Variants in FA2H observed in about 807,000 individuals in gnomAD.
The protein encoded by FA2H is fatty acid 2-hydroxylase.
In FA2H, 22 loss-of-function variants were observed where a neutral mutation model predicts 44.9. The ratio of observed to expected loss-of-function variants is 0.49; its 90% CI spans 0.35 to 0.70. The LOEUF (loss-of-function observed/expected upper bound fraction) is 0.70, where lower values mean the gene tolerates loss of function less well. Ranked by LOEUF, FA2H falls within the 30% of genes least tolerant of loss-of-function variation. The pLI is 0.01. For missense variants in FA2H, 501 were observed against 504.9 expected (o/e 0.99, Z 0.07); for synonymous variants, 243 against 213.2 (o/e 1.14, Z -1.22).
chr16:74,734,230 GC>G (rs1480256789), intron 2 of FA2H, among the ~76,000 whole-genome samples: 1 of 152,228 alleles, frequency 6.6e-6, no homozygotes. Flanking sequence ...GCATCTGGGG[GC>G]TCCCACGGCT....
chr16:74,737,429 G>C (rs1962203695), intron 2 of FA2H, among the ~76,000 whole-genome samples: 1 of 152,142 alleles, frequency 6.6e-6, no homozygotes, highest in Non-Finnish European at 1.5e-5. Context: ...ATTCCACACA[G>C]AGCCCAAAAG....
At chr16:74,766,837 G>A (rs1332746659) in intron 1 of FA2H, among the ~76,000 whole-genome samples, 2 of 152,190 alleles carry the variant, frequency 1.3e-5, no homozygotes, top group African/African-American at 2.4e-5. Context: ...TCAACAGAGT[G>A]CATGATGCCC....
chr16:74,735,598 T>C lies in FA2H; in HGVS notation c.363+4425A>G, dbSNP rs542778473. 7.9e-5 allele frequency among the ~76,000 whole-genome samples: 12 copies of C among 152,350 alleles called. No individual in the cohort carries two copies. In the South Asian group the frequency reaches 1.0e-3, roughly 13 times the overall value. Reference sequence around the variant, plus strand: ...GGGCTGAAGACGAGCGAAGGGAGCCTGCCCAGGGGCCCCACCCCAAAACCA... The same window carrying C: ...GGGCTGAAGACGAGCGAAGGGAGCCCGCCCAGGGGCCCCACCCCAAAACCA... On this transcript the variant is annotated intron_variant, in intron 2 of 6. Coordinates refer to ENST00000219368, the MANE Select transcript of FA2H (RefSeq NM_024306.5).
rs553086090 is a variant in FA2H at position 74,724,520 on chromosome 16, C to G, written c.613+1705G>C. 5.3e-5 allele frequency among the ~76,000 whole-genome samples: 8 copies of G among 152,314 alleles called. No homozygotes were observed. In the South Asian group the frequency reaches 1.7e-3, roughly 32 times the overall value. On this transcript the variant is annotated intron_variant, in intron 4 of 6. Transcript: ENST00000219368. ...GCACCCTGACTCTTCTGTATTGATTCCAGTGCGTCCTTTGTCCAGCAGCTG... is the reference window on the plus strand; with the variant it reads ...GCACCCTGACTCTTCTGTATTGATTGCAGTGCGTCCTTTGTCCAGCAGCTG...
At chr16:74,758,866 C>G (rs945675464) in intron 1 of FA2H, among the ~76,000 whole-genome samples, 2 of 152,248 alleles carry the variant, frequency 1.3e-5, no homozygotes, top group African/African-American at 4.8e-5. Flanking sequence ...GCAGGTACCG[C>G]TTCCTGTATC....
intron 4 of FA2H, among the ~76,000 whole-genome samples, chr16:74,725,072 A>G (rs1412374600): frequency 4.6e-5 from 7 of 152,142 alleles, no homozygotes; most frequent in Admixed American, 4.6e-4. Flanking sequence ...GCTGTGCCTG[A>G]GCTATTCAGC....
intron 2 of FA2H, among the ~76,000 whole-genome samples, chr16:74,736,294 A>C (rs1014475501): frequency 6.6e-6 from 1 of 152,008 alleles, no homozygotes; most frequent in African/African-American, 2.4e-5. Flanking sequence ...CCAGACCCCT[A>C]CTCTGGCTGG....
intron 1 of FA2H, among the ~76,000 whole-genome samples, chr16:74,748,944 T>TG: frequency 6.6e-6 from 1 of 152,210 alleles, no homozygotes; most frequent in Admixed American, 6.5e-5. Flanking sequence ...CCCCACCCCA[T>TG]GGAGGCCCAG....
chr16:74,772,011 C>T (rs568591251), intron 1 of FA2H, among the ~76,000 whole-genome samples: 31 of 150,470 alleles, frequency 2.1e-4, no homozygotes, highest in Admixed American at 4.0e-4. Flanking sequence ...AGTGCAGTGG[C>T]GTGATCTTGG....
chr16:74,733,685 G>A (rs1354792300), intron 2 of FA2H, among the ~76,000 whole-genome samples: 1 of 152,218 alleles, frequency 6.6e-6, no homozygotes, highest in Non-Finnish European at 1.5e-5. Context: ...TGGGAGGACA[G>A]CAGACGATGA....
chr16:74,774,699 G>C lies in FA2H; in HGVS notation c.57C>G (p.Arg19=). 7.3e-7 allele frequency: 1 copy of C among 1,377,888 alleles called. No homozygotes were observed. The highest frequency in any genetic ancestry group is 1.8e-5 in the South Asian group (1 of 57,086). 85.4% of individuals were successfully genotyped at this position (1,377,888 alleles called of 1,614,324 possible). A position where few individuals can be genotyped will look rare whatever the true frequency, so the allele number is the denominator to read the frequency against. The change falls in exon 1 of 7, where the codon CGC becomes CGG. Residue 19 remains arginine (R), a synonymous_variant. Coordinates refer to ENST00000219368, the MANE Select transcript of FA2H (RefSeq NM_024306.5). ...GGACCCAGCACGCGCCGGCCGCCAG[G>C]CGCCGCTGGACCTCGGAGGGCGAGA... is the stretch of plus-strand genomic sequence containing the variant. The part of the protein sequence containing the change: ...ASFSPSEVQR[R]LAAGACWVRR...
At chr16:74,755,104 T>C (rs966461972) in intron 1 of FA2H, among the ~76,000 whole-genome samples, 2 of 151,538 alleles carry the variant, frequency 1.3e-5, no homozygotes, top group African/African-American at 4.8e-5. Flanking sequence ...ACCAACCCTG[T>C]TGAAATCTTG....
chr16:74,741,579 G>A (rs904673939), intron 1 of FA2H, among the ~76,000 whole-genome samples: 7 of 151,746 alleles, frequency 4.6e-5, no homozygotes, highest in African/African-American at 1.7e-4. Context: ...TCCCACCTCA[G>A]CCTCCCAAGT....
intron 2 of FA2H, among the ~76,000 whole-genome samples, chr16:74,736,494 T>C (rs1962183307): frequency 6.6e-6 from 1 of 152,110 alleles, no homozygotes; most frequent in Non-Finnish European, 1.5e-5. Context: ...CTGGGGGTCC[T>C]AAATGGGCAA....
chr16:74,758,440 C>T (rs115411132), intron 1 of FA2H, among the ~76,000 whole-genome samples: 2,842 of 151,838 alleles, frequency 0.019, 84 homozygotes, highest in African/African-American at 0.066. Flanking sequence ...CTTTTTTGCA[C>T]GTTCGTCTTA....
chr16:74,761,786 T>G (rs1343862222), intron 1 of FA2H, among the ~76,000 whole-genome samples: 1 of 151,966 alleles, frequency 6.6e-6, no homozygotes, highest in African/African-American at 2.4e-5. Flanking sequence ...TAAACATCCA[T>G]GCAGAAAAAA....
chr16:74,748,243 A>G (rs1426924766), intron 1 of FA2H, among the ~76,000 whole-genome samples: 2 of 152,242 alleles, frequency 1.3e-5, no homozygotes, highest in Admixed American at 6.5e-5. Context: ...CGCGTGGAGC[A>G]GTGAAGCAAA....
At chr16:74,732,219 G>A (rs886512944) in intron 2 of FA2H, among the ~76,000 whole-genome samples, 1 of 152,048 alleles carries the variant, frequency 6.6e-6, no homozygotes, top group Non-Finnish European at 1.5e-5. Flanking sequence ...ACTTTTGCAT[G>A]TTACACATGA....
intron 1 of FA2H, among the ~76,000 whole-genome samples, chr16:74,764,555 C>T (rs1252538832): frequency 6.6e-6 from 1 of 151,980 alleles, no homozygotes; most frequent in Non-Finnish European, 1.5e-5. Context: ...CAACAGATAC[C>T]TGAGGCCTCC....
Sources: gnomAD v4.1 joint callset for allele counts (sites outside exome capture counted in the v4.1 genomes callset) on GRCh38, gnomAD v4.1.1 for gene constraint, MANE v1.5 for transcripts, NCBI Gene and HGNC (gene_info 2026-07-23, HGNC 2026-07-21) for gene names.